AGFG1: variants seen among roughly 807,000 people sequenced by gnomAD.
AGFG1 encodes the protein ArfGAP with FG repeats 1, also known as arf-GAP domain and FG repeat-containing protein 1.
A neutral mutation model predicts 60.6 loss-of-function variants in AGFG1; 10 were observed. That is an observed-to-expected ratio of 0.16 (90% CI 0.10 to 0.28). The LOEUF (loss-of-function observed/expected upper bound fraction) is 0.28. AGFG1 is among the 10% of genes least tolerant of loss of function. AGFG1 has a pLI of 1.00. For synonymous variants in AGFG1, 247 were observed against 242.9 expected, an observed-to-expected ratio of 1.02 and a Z score of -0.16; for missense variants, 537 against 676.5, an observed-to-expected ratio of 0.79 and a Z score of 2.29.
intron 11 of AGFG1, among the ~76,000 whole-genome samples, 194 bp downstream of exon 11, chr2:227,552,311 G>C (rs1017496667): frequency 6.6e-6 from 1 of 152,192 alleles, no homozygotes; most frequent in Non-Finnish European, 1.5e-5. Context: ...TTGTGAGCAG[G>C]TTACAATTTA....
At chr2:227,507,317 T>C (rs1691348853) in intron 2 of AGFG1, among the ~76,000 whole-genome samples, 1 of 152,084 alleles carries the variant, frequency 6.6e-6, no homozygotes, top group Non-Finnish European at 1.5e-5. Flanking sequence ...AACAAGGCAT[T>C]AATGAAGTTT....
chr2:227,472,510 T>G lies in AGFG1; in HGVS notation c.89T>G (p.Phe30Cys). ...MTGLPHNRKC[F>C]DCDQRGPTYV... ...GGCCTCCCGCACAACCGAAAGTGCT[T>G]CGACTGCGACCAGCGCGGCCCCACC... Residue 30 changes from phenylalanine to cysteine, a missense_variant, in exon 1 of 13, where the codon TTC (phenylalanine) becomes TGC (cysteine). By Grantham distance (205) the Phe-to-Cys change is radical. Coordinates refer to ENST00000310078, the MANE Select transcript of AGFG1 (RefSeq NM_004504.5). 2.5e-6 allele frequency: 4 copies of G among 1,583,262 alleles called. No homozygotes were observed. The highest frequency in any genetic ancestry group is 3.4e-6 in the Non-Finnish European group (4 of 1,164,770).
intron 10 of AGFG1, among the ~76,000 whole-genome samples, chr2:227,547,894 A>G (rs1168419793): frequency 6.6e-6 from 1 of 152,240 alleles, no homozygotes; most frequent in Non-Finnish European, 1.5e-5. Flanking sequence ...TTGTACACAA[A>G]TGTTCATACC....
In AGFG1 at chr2:227,472,476, G is replaced by A; in HGVS notation, c.55G>A (p.Asp19Asn). 1 of 1,577,014 alleles carries A rather than the reference G, an allele frequency of 6.3e-7. No individual in the cohort carries two copies. The highest frequency in any genetic ancestry group is 8.6e-7 in the Non-Finnish European group (1 of 1,162,070). ...GGAGAAGCACCTGAAGATGCTGCGG[G>A]ACATGACCGGCCTCCCGCACAACCG... is the stretch of plus-strand genomic sequence containing the variant. Reference protein sequence around the residue: ...QEEKHLKMLRDMTGLPHNRKC... With the variant: ...QEEKHLKMLRNMTGLPHNRKC... Residue 19 changes from aspartate (D) to asparagine (N), a missense_variant, in exon 1 of 13, where the codon GAC becomes AAC. Asp to Asn is a conservative substitution (Grantham distance 23). Transcript: ENST00000310078.
chr2:227,487,298 AGAATAGAAAATTAT>A (rs1258681811), intron 1 of AGFG1, among the ~76,000 whole-genome samples: 1 of 152,044 alleles, frequency 6.6e-6, no homozygotes, highest in East Asian at 1.9e-4. Flanking sequence ...AAACTTGGAG[AGAATAGAAAATTAT>A]GAATAGAAAA....
intron 10 of AGFG1, among the ~76,000 whole-genome samples, chr2:227,546,564 G>A (rs552663006): frequency 2.0e-5 from 3 of 152,278 alleles, no homozygotes; most frequent in South Asian, 2.1e-4. Context: ...CTTCTTCTGC[G>A]TCACTCACGC....
intron 1 of AGFG1, among the ~76,000 whole-genome samples, chr2:227,487,681 G>T (rs1690681569): frequency 7.0e-6 from 1 of 141,990 alleles, no homozygotes; most frequent in Non-Finnish European, 1.5e-5. Flanking sequence ...ATAAAAATTG[G>T]TGAGTTTATC....
intron 1 of AGFG1, among the ~76,000 whole-genome samples, chr2:227,479,861 T>C (rs1406989720): frequency 6.6e-6 from 1 of 152,236 alleles, no homozygotes; most frequent in Non-Finnish European, 1.5e-5. Context: ...GATTGAACAT[T>C]AGAATGAAAT....
intron 3 of AGFG1, among the ~76,000 whole-genome samples, chr2:227,521,135 G>A (rs1691814853): frequency 6.6e-6 from 1 of 151,934 alleles, no homozygotes; most frequent in Non-Finnish European, 1.5e-5. Flanking sequence ...GTGCGATCTC[G>A]GCTCACTGCA....
At chr2:227,545,034 A>T (rs567531056) in intron 10 of AGFG1, among the ~76,000 whole-genome samples, 1 of 152,276 alleles carries the variant, frequency 6.6e-6, no homozygotes, top group Non-Finnish European at 1.5e-5. Flanking sequence ...GTTCTCCTGG[A>T]TAATATCCTG....
chr2:227,475,581 A>G lies in AGFG1; in HGVS notation c.167+2993A>G, dbSNP rs553030619. On this transcript the variant is annotated intron_variant, in intron 1 of 12. Coordinates refer to ENST00000310078, the MANE Select transcript of AGFG1 (RefSeq NM_004504.5). Reference sequence around the variant, plus strand: ...TAACTCTTGGGTTTAATAATTATGTATCTGATGTTTAGATGACATGGTATA... The same window carrying G: ...TAACTCTTGGGTTTAATAATTATGTGTCTGATGTTTAGATGACATGGTATA... Among the ~76,000 whole-genome samples the G allele has an allele frequency of 2.1e-4, 32 of 152,338 alleles. No individual in the cohort carries two copies. In the South Asian group the frequency reaches 6.0e-3, roughly 29 times the overall value.
chr2:227,480,068 A>G (rs1031888359), intron 1 of AGFG1, among the ~76,000 whole-genome samples: 1 of 152,226 alleles, frequency 6.6e-6, no homozygotes, highest in African/African-American at 2.4e-5. Flanking sequence ...TTTAAGAGGA[A>G]TGTTAACAAA....
At chr2:227,516,683 G>A (rs1034906329) in intron 2 of AGFG1, among the ~76,000 whole-genome samples, 1 of 152,192 alleles carries the variant, frequency 6.6e-6, no homozygotes, top group East Asian at 1.9e-4. Flanking sequence ...CGTTACGAGT[G>A]CCAAGATGGC....
intron 1 of AGFG1, among the ~76,000 whole-genome samples, chr2:227,490,201 A>G (rs967178703): frequency 6.6e-6 from 1 of 152,218 alleles, no homozygotes; most frequent in Admixed American, 6.5e-5. Flanking sequence ...AACTTCTGGT[A>G]CATTTATTAT....
chr2:227,551,468 A>T (rs150362175), intron 10 of AGFG1, among the ~76,000 whole-genome samples: 2 of 152,146 alleles, frequency 1.3e-5, no homozygotes, highest in Admixed American at 1.3e-4. Context: ...TATTTGTCCT[A>T]TAAGTCCTGT....
intron 10 of AGFG1, among the ~76,000 whole-genome samples, chr2:227,551,545 A>T (rs1377273623): frequency 6.6e-6 from 1 of 152,156 alleles, no homozygotes; most frequent in Non-Finnish European, 1.5e-5. Context: ...TTATGTTATG[A>T]CAGATACTTC....
Position 227,541,619 on chromosome 2 carries a change from T to A in AGFG1, c.1378+4626T>A, listed in dbSNP as rs149934247. 3.9e-5 allele frequency among the ~76,000 whole-genome samples: 6 copies of A among 152,324 alleles called. No homozygotes were observed. In the East Asian group the frequency reaches 1.2e-3, roughly 29 times the overall value. ...GTAGCCTTGTAGTATAGTTTTAAAG[T>A]CAGGTAGCGTGATGTCTCCAACTTT... On this transcript the variant is annotated intron_variant, in intron 10 of 12. Coordinates refer to ENST00000310078, the MANE Select transcript of AGFG1 (RefSeq NM_004504.5).
chr2:227,509,237 A>G (rs984134303), intron 2 of AGFG1, among the ~76,000 whole-genome samples: 3 of 152,164 alleles, frequency 2.0e-5, no homozygotes, highest in Non-Finnish European at 4.4e-5. Flanking sequence ...CTTACATAGT[A>G]TCTTCCCCAA....
intron 2 of AGFG1, among the ~76,000 whole-genome samples, chr2:227,496,672 C>G (rs1338113586): frequency 6.6e-6 from 1 of 152,080 alleles, no homozygotes; most frequent in Admixed American, 6.5e-5. Flanking sequence ...AACTATAATA[C>G]CTATGTATAA....
Sources: gnomAD v4.1 joint callset for allele counts (sites outside exome capture counted in the v4.1 genomes callset) on GRCh38, gnomAD v4.1.1 for gene constraint, MANE v1.5 for transcripts, NCBI Gene and HGNC (gene_info 2026-07-23, HGNC 2026-07-21) for gene names.